Variants in ZBTB43 observed in about 807,000 individuals in gnomAD.
ZBTB43 encodes the protein zinc finger and BTB domain containing 43.
Under a neutral mutation model 31.1 loss-of-function variants are expected in ZBTB43, and 6 were observed. That is an observed-to-expected ratio of 0.19 (90% CI 0.11 to 0.38). ZBTB43 has a LOEUF of 0.38. Ranked by LOEUF, ZBTB43 falls within the 10% of genes least tolerant of loss-of-function variation. The pLI is 1.00. For missense variants in ZBTB43, 379 were observed against 602.1 expected (o/e 0.63, Z 3.88); for synonymous variants, 212 against 221.7 (o/e 0.96, Z 0.39).
intron 2 of ZBTB43, among the ~76,000 whole-genome samples, chr9:126,824,029 G>C (rs888543950): frequency 1.3e-5 from 2 of 151,868 alleles, no homozygotes; most frequent in African/African-American, 4.8e-5. Context: ...GTACAACAAT[G>C]ATGGCTTTTT....
Position 126,832,830 on chromosome 9 carries a change from A to C in ZBTB43, c.321A>C (p.Ala107=). The C allele has an allele frequency of 2.5e-6, 4 of 1,614,130 alleles. No individual in the cohort carries two copies. The highest frequency in any genetic ancestry group is 3.4e-6 in the Non-Finnish European group (4 of 1,180,022). The change falls in exon 3 of 3, where the codon GCA becomes GCC. Residue 107 remains alanine, a synonymous_variant. Coordinates refer to ENST00000373464, the MANE Select transcript of ZBTB43 (RefSeq NM_014007.4). ...APEIVSYLTA[A]SFLQMWHVVD... ...AAATTGTTAGTTACTTGACAGCGGC[A>C]AGCTTCCTCCAGATGTGGCATGTGG...
chr9:126,814,420 CT>C (rs1243399285), intron 2 of ZBTB43, among the ~76,000 whole-genome samples: 1 of 147,652 alleles, frequency 6.8e-6, no homozygotes, highest in African/African-American at 2.5e-5. Context: ...TGTTGCTTGA[CT>C]TTTGTTTTCA....
At chr9:126,826,591 G>A (rs1411668824) in intron 2 of ZBTB43, among the ~76,000 whole-genome samples, 1 of 147,432 alleles carries the variant, frequency 6.8e-6, no homozygotes, top group African/African-American at 2.5e-5. Context: ...AGCCTCCCGA[G>A]TAGCTGGGAC....
chr9:126,812,378 T>C (rs1201383714), intron 2 of ZBTB43, among the ~76,000 whole-genome samples: 1 of 152,268 alleles, frequency 6.6e-6, no homozygotes, highest in African/African-American at 2.4e-5. Context: ...TGAACATTCA[T>C]GTACGAGTTT....
Position 126,833,451 on chromosome 9 carries a change from G to A in ZBTB43, c.942G>A (p.Gln314=), listed in dbSNP as rs1208692244. Reference sequence around the variant, plus strand: ...CTGATGAAAGCAATTATGATGAGCAGGTGGATTTCTATGGCTCTTCCATGG... The same window carrying A: ...CTGATGAAAGCAATTATGATGAGCAAGTGGATTTCTATGGCTCTTCCATGG... ...EQADESNYDE[Q]VDFYGSSMEE... The change falls in exon 3 of 3, where the codon CAG becomes CAA. Residue 314 remains glutamine, a synonymous_variant. Transcript: ENST00000373464. This position sits in a 1 kb window ranked among gnomAD's most constrained non-coding sequence, Gnocchi z 7.9. The A allele has an allele frequency of 1.2e-6, 2 of 1,614,064 alleles. No individual in the cohort carries two copies. Among genetic ancestry groups the A allele is most frequent in the African/African-American group, 1.3e-5 (1 of 74,922 alleles).
chr9:126,824,415 C>G (rs1034753962), intron 2 of ZBTB43, among the ~76,000 whole-genome samples: 5 of 152,168 alleles, frequency 3.3e-5, no homozygotes, highest in African/African-American at 9.7e-5. Context: ...GTTCTTTTAT[C>G]TCAGCCTGAA....
intron 2 of ZBTB43, among the ~76,000 whole-genome samples, chr9:126,826,354 C>T (rs1198322559): frequency 6.7e-6 from 1 of 150,150 alleles, no homozygotes; most frequent in African/African-American, 2.4e-5. Flanking sequence ...ACTATGTTGG[C>T]CAGGCTGGTC....
chr9:126,805,722 G>C (rs990442697), intron 1 of ZBTB43, among the ~76,000 whole-genome samples: 1 of 152,144 alleles, frequency 6.6e-6, no homozygotes, highest in African/African-American at 2.4e-5. Context: ...TCTCCACCTT[G>C]CTTCTGTGTC....
In ZBTB43 at chr9:126,834,808, C is replaced by G. The variant is rs963703166; in HGVS notation, c.*895C>G. 3 of 166,924 alleles carry G rather than the reference C, an allele frequency of 1.8e-5. No homozygotes were observed. The highest frequency in any genetic ancestry group is 1.3e-4 in the Admixed American group (2 of 15,262). 10.3% of individuals were successfully genotyped at this position (166,924 alleles called of 1,614,324 possible). On this transcript the variant is annotated 3_prime_UTR_variant, in exon 3 of 3. Coordinates refer to ENST00000373464, the MANE Select transcript of ZBTB43 (RefSeq NM_014007.4). Reference sequence around the variant, plus strand: ...CCACGGTACCACGGGCTGCCACAGCCCCTGCTCTGTCTTAGATTATGGTGC... The same window carrying G: ...CCACGGTACCACGGGCTGCCACAGCGCCTGCTCTGTCTTAGATTATGGTGC...
rs2032872671 is a variant in ZBTB43 at position 126,836,051 on chromosome 9, A to G, written c.*2138A>G. On this transcript the variant is annotated 3_prime_UTR_variant, in exon 3 of 3. Transcript: ENST00000373464. ...CCCTCTCCCATGGTATTAGCAGAGC[A>G]TTTTCTGCCTGTTTGGAAGGTTTGA... is the stretch of plus-strand genomic sequence containing the variant. The G allele has an allele frequency of 6.0e-6, 1 of 167,064 alleles. No homozygotes were observed. Among genetic ancestry groups the G allele is most frequent in the Non-Finnish European group, 1.5e-5 (1 of 68,130 alleles). The allele number at this position is 167,064 out of a possible 1,614,324, so 10.3% of individuals were successfully genotyped here.
chr9:126,812,036 A>G (rs1338637368), intron 2 of ZBTB43, among the ~76,000 whole-genome samples: 1 of 151,956 alleles, frequency 6.6e-6, no homozygotes, highest in African/African-American at 2.4e-5. Flanking sequence ...CTAATTTTAG[A>G]ACTTTTGTCT....
intron 2 of ZBTB43, among the ~76,000 whole-genome samples, chr9:126,821,156 G>A (rs1259976062): frequency 6.6e-6 from 1 of 151,914 alleles, no homozygotes; most frequent in Non-Finnish European, 1.5e-5. Flanking sequence ...ATCGCTTGAG[G>A]TCAGGAGTTT....
rs113438935 is a variant in ZBTB43 at position 126,822,022 on chromosome 9, A to C, written c.-23-10465A>C. On this transcript the variant is annotated intron_variant, in intron 2 of 2. Transcript: ENST00000373464. Reference sequence around the variant, plus strand: ...CAGTCGCCCACCACCACACCCAGCTAATTTTTGTATTTTTAGTAGAGACAG... The same window carrying C: ...CAGTCGCCCACCACCACACCCAGCTCATTTTTGTATTTTTAGTAGAGACAG... Among the ~76,000 whole-genome samples the C allele has an allele frequency of 6.2e-3, 940 of 152,010 alleles. 12 individuals carry two copies. The highest frequency in any genetic ancestry group is 0.021 in the African/African-American group (884 of 41,452).
At chr9:126,828,629 A>AAAC in intron 2 of ZBTB43, among the ~76,000 whole-genome samples, 1 of 141,092 alleles carries the variant, frequency 7.1e-6, no homozygotes, top group South Asian at 2.2e-4. Flanking sequence ...CCCCATCTCT[A>AAAC]AATAATAATA....
intron 2 of ZBTB43, among the ~76,000 whole-genome samples, chr9:126,828,604 G>A (rs1480674284): frequency 1.4e-5 from 2 of 147,558 alleles, no homozygotes; most frequent in South Asian, 2.1e-4. Context: ...ACCAGCCTGG[G>A]CAACACAGTG....
intron 2 of ZBTB43, among the ~76,000 whole-genome samples, chr9:126,828,226 C>G (rs2032685890): frequency 6.6e-6 from 1 of 151,658 alleles, no homozygotes; most frequent in Non-Finnish European, 1.5e-5. Flanking sequence ...CTCTGTCGCC[C>G]AGGCTGGAGT....
At chr9:126,832,242 G>C (rs1177426725) in intron 2 of ZBTB43, 3 of 455,056 alleles carry the variant, frequency 6.6e-6, no homozygotes, top group Non-Finnish European at 1.2e-5. Flanking sequence ...TGTCCCTATG[G>C]ATTCAGTTCT....
In ZBTB43 at chr9:126,828,651, A is replaced by ATTATTATTATTATT. The variant is rs1554742734; in HGVS notation, c.-23-3836_-23-3835insTTATTATTATTATT. Among the ~76,000 whole-genome samples the ATTATTATTATTATT allele has an allele frequency of 4.3e-3, 550 of 126,454 alleles. 5 individuals carry two copies. Among genetic ancestry groups the ATTATTATTATTATT allele is most frequent in the African/African-American group, 0.016 (512 of 32,804 alleles). The allele number at this position is 126,454 out of a possible 152,430, so 83.0% of individuals were successfully genotyped here. A position where few individuals can be genotyped will look rare whatever the true frequency, so the allele number is the denominator to read the frequency against. Reference sequence around the variant, plus strand: ...TCTAAATAATAATAATAATAATAATAATAATTATTATTATTATTATTATTA... The same window carrying ATTATTATTATTATT: ...TCTAAATAATAATAATAATAATAATATTATTATTATTATTATAATTATTATTATTATTATTATTA... On this transcript the variant is annotated intron_variant, in intron 2 of 2. Transcript: ENST00000373464.
chr9:126,810,068 C>T (rs917489721), intron 2 of ZBTB43, among the ~76,000 whole-genome samples: 2 of 152,154 alleles, frequency 1.3e-5, no homozygotes, highest in Non-Finnish European at 2.9e-5. Context: ...AACTCCTGAC[C>T]TTGTGATCCA....
Sources: gnomAD v4.1 joint callset for allele counts (sites outside exome capture counted in the v4.1 genomes callset) on GRCh38, gnomAD v4.1.1 for gene constraint, Gnocchi (gnomAD v3.1) non-coding constraint, MANE v1.5 for transcripts, NCBI Gene and HGNC (gene_info 2026-07-23, HGNC 2026-07-21) for gene names.